Variants in THSD4 observed in about 807,000 individuals in gnomAD.
THSD4 encodes the protein thrombospondin type 1 domain containing 4, also known as thrombospondin type-1 domain-containing protein 4.
THSD4 carries 69 observed loss-of-function variants against 119.0 expected under a neutral mutation model. The ratio of observed to expected loss-of-function variants is 0.58; its 90% CI spans 0.48 to 0.71. The LOEUF (loss-of-function observed/expected upper bound fraction) is 0.71, where lower values mean the gene tolerates loss of function less well. Ranked by LOEUF, THSD4 falls within the 30% of genes least tolerant of loss-of-function variation. THSD4 has a pLI of 0.00. For synonymous variants in THSD4, 524 were observed against 540.4 expected (o/e 0.97, Z 0.42); for missense variants, 1,393 against 1,391.1 (o/e 1.00, Z -0.02).
chr15:71,503,750 T>G (rs1595834978), intron 7 of THSD4, among the ~76,000 whole-genome samples: 1 of 152,164 alleles, frequency 6.6e-6, no homozygotes, highest in Non-Finnish European at 1.5e-5. Flanking sequence ...TTCCCAGGAA[T>G]GTCACTCTCC....
chr15:71,591,962 C>T (rs765255989), intron 7 of THSD4, among the ~76,000 whole-genome samples: 3 of 152,046 alleles, frequency 2.0e-5, no homozygotes, highest in African/African-American at 4.8e-5. Flanking sequence ...AACATTATTT[C>T]GTGTAATTTT....
intron 7 of THSD4, among the ~76,000 whole-genome samples, chr15:71,476,978 G>A (rs941263990): frequency 1.3e-5 from 2 of 152,200 alleles, no homozygotes; most frequent in Non-Finnish European, 2.9e-5. Flanking sequence ...CCATCCTGGG[G>A]CAGGGAGAAC....
intron 7 of THSD4, among the ~76,000 whole-genome samples, chr15:71,520,387 A>G (rs550701020): frequency 3.3e-5 from 5 of 152,302 alleles, no homozygotes; most frequent in South Asian, 4.1e-4. Context: ...GACTGGAAGC[A>G]TGGAGCCTAG....
chr15:71,146,584 C>T (rs1305473021), intron 2 of THSD4, among the ~76,000 whole-genome samples: 3 of 151,756 alleles, frequency 2.0e-5, no homozygotes, highest in Non-Finnish European at 4.4e-5. Context: ...TATTTGAATA[C>T]TTATGTCACT....
rs564668784 is a variant in THSD4 at position 71,676,268 on chromosome 15, A to G, written c.1357+15534A>G. ...AGTGGCATTAAGTACATTCACTGCT[A>G]TCACCACGATCCATTTTCAGAATTT... On this transcript the variant is annotated intron_variant, in intron 8 of 17. Transcript: ENST00000261862. Among the ~76,000 whole-genome samples the G allele has an allele frequency of 5.3e-5, 8 of 152,262 alleles. No individual in the cohort carries two copies. In the South Asian group the frequency reaches 1.5e-3, roughly 28 times the overall value.
intron 6 of THSD4, among the ~76,000 whole-genome samples, chr15:71,297,708 A>G (rs1003401719): frequency 2.6e-5 from 4 of 152,112 alleles, no homozygotes; most frequent in African/African-American, 9.7e-5. Context: ...TTCTGGACTT[A>G]AGCAATCCTT....
chr15:71,600,116 C>G (rs926230157), intron 7 of THSD4, among the ~76,000 whole-genome samples: 9 of 152,196 alleles, frequency 5.9e-5, no homozygotes, highest in African/African-American at 2.2e-4. Flanking sequence ...TAAGATTCTG[C>G]AGCATTCCGT....
chr15:71,655,892 C>T lies in THSD4; in HGVS notation c.1153-4638C>T, dbSNP rs569219663. ...TGAACACTGTCCTTGGGAAGAAGAT[C>T]TGGATGGTGGTGGAAATGTTTTCAG... On this transcript the variant is annotated intron_variant, in intron 7 of 17. Transcript: ENST00000261862. Among the ~76,000 whole-genome samples the T allele has an allele frequency of 3.5e-4, 53 of 152,296 alleles. No individual in the cohort carries two copies. In the South Asian group the frequency reaches 9.3e-3, roughly 27 times the overall value.
chr15:71,202,437 C>G (rs774992433), intron 3 of THSD4, among the ~76,000 whole-genome samples: 1 of 152,104 alleles, frequency 6.6e-6, no homozygotes, highest in Non-Finnish European at 1.5e-5. Context: ...AATGCCCCAC[C>G]AGCAAAAGAG....
intron 6 of THSD4, among the ~76,000 whole-genome samples, chr15:71,313,734 C>T (rs551605761): frequency 6.6e-6 from 1 of 151,930 alleles, no homozygotes; most frequent in Non-Finnish European, 1.5e-5. Flanking sequence ...TCATACTTAC[C>T]CCTCCCCAGA....
intron 6 of THSD4, among the ~76,000 whole-genome samples, chr15:71,343,388 G>A (rs1276652686): frequency 6.6e-6 from 1 of 152,170 alleles, no homozygotes; most frequent in Non-Finnish European, 1.5e-5. Context: ...CATGACAGAT[G>A]ACTGTAAAGT....
chr15:71,528,373 CA>C (rs2048558336), intron 7 of THSD4, among the ~76,000 whole-genome samples: 3 of 152,098 alleles, frequency 2.0e-5, no homozygotes, highest in Non-Finnish European at 4.4e-5. Flanking sequence ...TCATTCCAGG[CA>C]ACAACCCACA....
At chr15:71,105,883 G>A (rs2040272497) in intron 1 of THSD4, among the ~76,000 whole-genome samples, 9 of 152,174 alleles carry the variant, frequency 5.9e-5, no homozygotes, top group Admixed American at 5.9e-4. Flanking sequence ...GAGAAAAAAA[G>A]AGCATTCCAG....
chr15:71,699,055 A>ACT (rs2052228749), intron 8 of THSD4, among the ~76,000 whole-genome samples: 1 of 152,196 alleles, frequency 6.6e-6, no homozygotes, highest in Non-Finnish European at 1.5e-5. Flanking sequence ...GTGTTAAAAG[A>ACT]GTAGACCTTA....
At chr15:71,292,822 A>G (rs1260138121) in intron 6 of THSD4, among the ~76,000 whole-genome samples, 28 of 151,746 alleles carry the variant, frequency 1.8e-4, no homozygotes, top group Admixed American at 1.7e-3. Flanking sequence ...GACTACAGGC[A>G]CCCACCACCA....
chr15:71,126,245 C>A (rs1331979829), intron 1 of THSD4, among the ~76,000 whole-genome samples: 1 of 152,198 alleles, frequency 6.6e-6, no homozygotes, highest in African/African-American at 2.4e-5. Flanking sequence ...CTCTGAGCCT[C>A]CCTGCTGTGG....
chr15:71,278,293 G>A (rs887904469), intron 6 of THSD4, among the ~76,000 whole-genome samples: 1 of 152,072 alleles, frequency 6.6e-6, no homozygotes, highest in Non-Finnish European at 1.5e-5. Context: ...TCTCCCTGGG[G>A]TCAGTGATCC....
intron 4 of THSD4, among the ~76,000 whole-genome samples, chr15:71,223,583 G>A (rs1270528529): frequency 6.6e-6 from 1 of 152,134 alleles, no homozygotes; most frequent in East Asian, 1.9e-4. Context: ...AAGTTTTGTT[G>A]TCATTTGAAT....
intron 1 of THSD4, among the ~76,000 whole-genome samples, chr15:71,100,984 A>G (rs2040251420): frequency 6.6e-6 from 1 of 152,150 alleles, no homozygotes; most frequent in South Asian, 2.1e-4. Context: ...GCTGTCACAC[A>G]AAAAAATAAA....
Sources: allele counts gnomAD v4.1 joint callset (sites outside exome capture counted in the v4.1 genomes callset), GRCh38; gene constraint gnomAD v4.1.1; transcripts MANE v1.5; gene names NCBI Gene and HGNC (gene_info 2026-07-23, HGNC 2026-07-21).